MALRD1: variants seen among roughly 807,000 people sequenced by gnomAD.
MALRD1 encodes MAM and LDL receptor class A domain containing 1.
Under a neutral mutation model 242.1 loss-of-function variants are expected in MALRD1, and 247 were observed. The observed-to-expected ratio is 1.02, with a 90% CI of 0.92 to 1.13. MALRD1 has a LOEUF of 1.13. Among genes scored for constraint, MALRD1 ranks in the 50% most tolerant of loss-of-function variants. The probability of loss-of-function intolerance (pLI) is 0.00; values close to 1 mark genes in which losing one functional copy is unlikely to be tolerated. For missense variants in MALRD1, 2,989 were observed against 2,533.1 expected, an observed-to-expected ratio of 1.18 and a Z score of -3.86; for synonymous variants, 995 against 866.6, an observed-to-expected ratio of 1.15 and a Z score of -2.60.
At chr10:19,491,273 A>G in intron 29 of MALRD1, 1 of 698,068 alleles carries the variant, frequency 1.4e-6, no homozygotes, top group Non-Finnish European at 2.4e-6. Flanking sequence ...TGAGAATCAC[A>G]GGCAAGGAGA....
At chr10:19,542,918 C>G (rs1186925018) in intron 32 of MALRD1, among the ~76,000 whole-genome samples, 2 of 152,106 alleles carry the variant, frequency 1.3e-5, no homozygotes, top group Middle Eastern at 3.2e-3. Flanking sequence ...ACAGTTATGT[C>G]TGTTTGGGGA....
chr10:19,260,679 T>C (rs1839706283), intron 19 of MALRD1, among the ~76,000 whole-genome samples: 1 of 152,124 alleles, frequency 6.6e-6, no homozygotes, highest in East Asian at 1.9e-4. Flanking sequence ...GTTTTAAGAG[T>C]CTAGAAGAGT....
At position 19,696,672 on chromosome 10, in the gene MALRD1, CAAG is replaced by C. The variant is rs1191969040; in HGVS notation, c.6314+4120_6314+4122del. 4.0e-5 allele frequency among the ~76,000 whole-genome samples: 6 copies of C among 151,856 alleles called. 1 individual carries two copies. The East Asian group carries it at 9.7e-4, about 24-fold the overall frequency. On this transcript the variant is annotated intron_variant, in intron 38 of 39. Coordinates refer to ENST00000454679, the MANE Select transcript of MALRD1 (RefSeq NM_001142308.3). ...CTGTAATCCCAGCACTTTGGGAGGCCAAGATGGGCAGATCACTTGAGGTCAGGA... is the reference window on the plus strand; with the variant it reads ...CTGTAATCCCAGCACTTTGGGAGGCCATGGGCAGATCACTTGAGGTCAGGA...
intron 28 of MALRD1, among the ~76,000 whole-genome samples, chr10:19,434,624 C>T (rs888680434): frequency 6.6e-5 from 10 of 151,874 alleles, no homozygotes; most frequent in Non-Finnish European, 7.4e-5. Context: ...ATTCAAGCCA[C>T]TCCTTTCCAT....
chr10:19,524,224 T>G (rs907975005), intron 31 of MALRD1, among the ~76,000 whole-genome samples: 1 of 152,084 alleles, frequency 6.6e-6, no homozygotes, highest in Non-Finnish European at 1.5e-5. Context: ...CGCCTGTAAT[T>G]CCAGCACTTT....
chr10:19,502,294 G>A (rs1468953240), intron 31 of MALRD1, among the ~76,000 whole-genome samples: 1 of 151,834 alleles, frequency 6.6e-6, no homozygotes, highest in Non-Finnish European at 1.5e-5. Flanking sequence ...AACTTTTCTA[G>A]TAAACTCAGA....
rs367697441 is a variant in MALRD1 at position 19,156,798 on chromosome 10, T to A, written c.1656+1626T>A. ...GTGGTCACTGGGATTGAGTTTCAGT[T>A]TATCATTGTTTCCACTTGAGGACAC... On this transcript the variant is annotated intron_variant, in intron 12 of 39. Coordinates refer to ENST00000454679, the MANE Select transcript of MALRD1 (RefSeq NM_001142308.3). 5.3e-5 allele frequency among the ~76,000 whole-genome samples: 8 copies of A among 152,230 alleles called. No homozygotes were observed. In the South Asian group the frequency reaches 1.7e-3, roughly 32 times the overall value.
At chr10:19,224,077 T>C (rs1174707576) in intron 18 of MALRD1, among the ~76,000 whole-genome samples, 2 of 152,104 alleles carry the variant, frequency 1.3e-5, no homozygotes, top group Admixed American at 1.3e-4. Context: ...AATGAGATTG[T>C]TAGGTCAAAT....
intron 36 of MALRD1, among the ~76,000 whole-genome samples, chr10:19,691,894 T>C (rs1842837188): frequency 6.6e-6 from 1 of 152,134 alleles, no homozygotes; most frequent in Non-Finnish European, 1.5e-5. Context: ...CTCTGTTGGT[T>C]TTCTGAAATG....
At chr10:19,463,590 G>GTGTGTGTA (rs1836059180) in intron 29 of MALRD1, among the ~76,000 whole-genome samples, 2 of 151,294 alleles carry the variant, frequency 1.3e-5, no homozygotes, top group African/African-American at 4.9e-5. Flanking sequence ...GTGTGTGTGT[G>GTGTGTGTA]TATATACTCT....
At chr10:19,047,016 G>A (rs750119657), upstream of MALRD1, among the ~76,000 whole-genome samples, 4 of 152,228 alleles carry the variant, frequency 2.6e-5, no homozygotes, top group Non-Finnish European at 5.9e-5. Context: ...TTCAGAGTAT[G>A]ACAGTTCTAC....
intron 12 of MALRD1, among the ~76,000 whole-genome samples, chr10:19,164,312 C>T (rs909274607): frequency 1.3e-5 from 2 of 152,102 alleles, no homozygotes; most frequent in African/African-American, 4.8e-5. Flanking sequence ...TTTTGGTCAA[C>T]ATTCATCACT....
intron 14 of MALRD1, among the ~76,000 whole-genome samples, chr10:19,178,780 G>A (rs150707170): frequency 1.3e-3 from 201 of 152,328 alleles, no homozygotes; most frequent in African/African-American, 4.6e-3. Context: ...CATCCAGGAA[G>A]ATACGCGATT....
chr10:19,479,747 A>G (rs535816670), intron 29 of MALRD1, among the ~76,000 whole-genome samples: 1 of 152,268 alleles, frequency 6.6e-6, no homozygotes, highest in East Asian at 1.9e-4. Flanking sequence ...GCTGTCATGT[A>G]AACAGATTGG....
At chr10:19,582,095 T>G (rs1042065866) in intron 33 of MALRD1, among the ~76,000 whole-genome samples, 4 of 152,092 alleles carry the variant, frequency 2.6e-5, no homozygotes, top group East Asian at 1.9e-4. Flanking sequence ...TAAATTTGTT[T>G]GAGTTCATTG....
intron 26 of MALRD1, among the ~76,000 whole-genome samples, chr10:19,387,315 G>A (rs998310113): frequency 8.3e-6 from 1 of 120,728 alleles, no homozygotes; most frequent in African/African-American, 3.1e-5. Flanking sequence ...TTTTTTTTTA[G>A]CATTTGTGAA....
chr10:19,211,810 C>G (rs747449971), intron 18 of MALRD1, among the ~76,000 whole-genome samples: 18 of 148,070 alleles, frequency 1.2e-4, no homozygotes, highest in Non-Finnish European at 2.7e-4. Flanking sequence ...TACTGAGAAA[C>G]AGCAGCAATA....
At chr10:19,670,550 C>T (rs535518498) in intron 36 of MALRD1, among the ~76,000 whole-genome samples, 1 of 152,292 alleles carries the variant, frequency 6.6e-6, no homozygotes, top group East Asian at 1.9e-4. Context: ...ACAACCCTCA[C>T]TTGTCCCTAC....
intron 9 of MALRD1, among the ~76,000 whole-genome samples, chr10:19,134,954 A>G (rs1833277803): frequency 2.6e-5 from 4 of 152,148 alleles, no homozygotes; most frequent in Non-Finnish European, 4.4e-5. Flanking sequence ...TCTTGCTGCT[A>G]TGAAAATATA....
Sources: gnomAD v4.1 joint callset for allele counts (sites outside exome capture counted in the v4.1 genomes callset) on GRCh38, gnomAD v4.1.1 for gene constraint, MANE v1.5 for transcripts, NCBI Gene and HGNC (gene_info 2026-07-23, HGNC 2026-07-21) for gene names.